Variants in DOCK2 observed in about 807,000 individuals in gnomAD.
The protein encoded by DOCK2 is dedicator of cytokinesis protein 2.
A neutral mutation model predicts 248.9 loss-of-function variants in DOCK2; 87 were observed. The ratio of observed to expected loss-of-function variants is 0.35; its 90% CI spans 0.29 to 0.42. The LOEUF is 0.42. Among genes scored for constraint, DOCK2 ranks in the 10% least tolerant of loss-of-function variants. DOCK2 has a pLI of 1.00. For missense variants in DOCK2, 1,747 were observed against 2,300.2 expected, an observed-to-expected ratio of 0.76 and a Z score of 4.92; for synonymous variants, 805 against 821.6, an observed-to-expected ratio of 0.98 and a Z score of 0.35.
chr5:169,703,005 A>T (rs1049514412), intron 14 of DOCK2, among the ~76,000 whole-genome samples: 1 of 152,214 alleles, frequency 6.6e-6, no homozygotes, highest in African/African-American at 2.4e-5. Flanking sequence ...TTTATACAGC[A>T]TATGTCCTGT....
intron 27 of DOCK2, among the ~76,000 whole-genome samples, chr5:169,856,294 GC>G (rs1459616213): frequency 2.6e-5 from 4 of 152,200 alleles, no homozygotes; most frequent in African/African-American, 9.7e-5. Flanking sequence ...GTCAGAAGCT[GC>G]CCACCAGCCC....
At chr5:169,721,688 C>A (rs1762214871) in intron 22 of DOCK2, among the ~76,000 whole-genome samples, 1 of 152,188 alleles carries the variant, frequency 6.6e-6, no homozygotes, top group Non-Finnish European at 1.5e-5. Flanking sequence ...GTTCCCTTGC[C>A]ATTATTTTTT....
rs988715075 is a variant in DOCK2, at chr5:170,056,742, A to G, written c.4354A>G (p.Thr1452Ala). Reference protein sequence around the residue: ...FHYSRPVRRGTVDPENEFASM... With the variant: ...FHYSRPVRRGAVDPENEFASM... Reference sequence around the variant, plus strand: ...CTACTCCCGGCCCGTGCGCAGGGGGACCGTAGACCCAGAGAATGAGTTTGC... The same window carrying G: ...CTACTCCCGGCCCGTGCGCAGGGGGGCCGTAGACCCAGAGAATGAGTTTGC... The change falls in exon 43 of 52, where the codon ACC becomes GCC. Residue 1452 changes from threonine to alanine, a missense_variant. Transcript: ENST00000520908. 1 of 1,613,948 alleles carries G rather than the reference A, an allele frequency of 6.2e-7. No individual in the cohort carries two copies. The highest frequency in any genetic ancestry group is 1.1e-5 in the South Asian group (1 of 91,050).
At chr5:170,065,969 T>TTTTTTG (rs1757477530) in intron 44 of DOCK2, among the ~76,000 whole-genome samples, 1 of 151,326 alleles carries the variant, frequency 6.6e-6, no homozygotes, top group Non-Finnish European at 1.5e-5. Context: ...TTTTTTTTTT[T>TTTTTTG]GAGACAGAGT....
chr5:169,933,087 T>G (rs1290331434), intron 27 of DOCK2, among the ~76,000 whole-genome samples: 1 of 152,178 alleles, frequency 6.6e-6, no homozygotes, highest in African/African-American at 2.4e-5. Context: ...AGTCGTTAAG[T>G]AAGAGAGATG....
intron 1 of DOCK2, among the ~76,000 whole-genome samples, chr5:169,640,880 G>C (rs79019772): frequency 0.04 from 6,144 of 152,296 alleles, 216 homozygotes; most frequent in South Asian, 0.15. Flanking sequence ...GGCATATTTT[G>C]ATCAGAAACC....
chr5:170,074,497 G>T (rs1418975151), intron 46 of DOCK2, among the ~76,000 whole-genome samples: 1 of 152,168 alleles, frequency 6.6e-6, no homozygotes, highest in African/African-American at 2.4e-5. Context: ...ACCCACAGAC[G>T]TCTCTCTCTA....
rs533874064 is a variant in DOCK2, at chr5:169,648,921, G to A, written c.44-5482G>A. 2.0e-4 allele frequency among the ~76,000 whole-genome samples: 31 copies of A among 152,268 alleles called. 3 individuals are homozygous for A. In the South Asian group the frequency reaches 5.6e-3, roughly 28 times the overall value. On this transcript the variant is annotated intron_variant, in intron 1 of 51. Transcript: ENST00000520908. ...TCTGCCTCATTTGCTGCTGACTAGC[G>A]CCCGCCCGGGTTTGAGCTCTGGGGT... is the stretch of plus-strand genomic sequence containing the variant.
chr5:169,793,310 C>T (rs1766464793), intron 25 of DOCK2, among the ~76,000 whole-genome samples: 1 of 152,318 alleles, frequency 6.6e-6, no homozygotes, highest in East Asian at 1.9e-4. Flanking sequence ...TACTTGCACC[C>T]TTGTCTCTAC....
rs527399788 is a variant in DOCK2, at chr5:169,656,120, A to T, written c.127+1634A>T. Among the ~76,000 whole-genome samples the T allele has an allele frequency of 4.6e-5, 7 of 152,318 alleles. No homozygotes were observed. The East Asian group carries it at 1.4e-3, about 29-fold the overall frequency. On this transcript the variant is annotated intron_variant, in intron 2 of 51. Coordinates refer to ENST00000520908, the MANE Select transcript of DOCK2 (RefSeq NM_004946.3). ...GCATAACCCTATCTTTTACAAATCT[A>T]GTTCTGCCCAGTGGCAGATAAGCAA...
chr5:170,081,741 G>T, intron 50 of DOCK2, 101 bp from the exon 51 acceptor site: 1 of 1,322,316 alleles, frequency 7.6e-7, no homozygotes, highest in East Asian at 2.5e-5. Flanking sequence ...GTGATCCCTG[G>T]ATGCTGGCTC....
intron 2 of DOCK2, among the ~76,000 whole-genome samples, chr5:169,661,531 CCCT>C (rs1490962514): frequency 6.6e-6 from 1 of 152,038 alleles, no homozygotes; most frequent in Non-Finnish European, 1.5e-5. Context: ...GACTATAGAT[CCCT>C]TGTTGTACAT....
At chr5:170,032,237 A>G (rs1756165928) in intron 34 of DOCK2, among the ~76,000 whole-genome samples, 1 of 152,112 alleles carries the variant, frequency 6.6e-6, no homozygotes, top group Non-Finnish European at 1.5e-5. Context: ...CGTGGGAGCC[A>G]GGATTGTCTC....
At chr5:170,060,505 C>T (rs1011248850) in intron 44 of DOCK2, among the ~76,000 whole-genome samples, 8 of 152,174 alleles carry the variant, frequency 5.3e-5, no homozygotes, top group Admixed American at 2.0e-4. Context: ...GACAGACCTC[C>T]GCCAGCCTGG....
At chr5:169,691,399 ACTT>A (rs1290705451) in intron 9 of DOCK2, among the ~76,000 whole-genome samples, 1 of 152,178 alleles carries the variant, frequency 6.6e-6, no homozygotes, top group East Asian at 1.9e-4. Flanking sequence ...TGGTGCTCTC[ACTT>A]CTTATATCGA....
Position 169,849,994 on chromosome 5 carries a change from C to T in DOCK2, c.2799+9142C>T, listed in dbSNP as rs185412709. ...CCACACAAACCATCATTCTTTTTCT[C>T]AATATGCAAGTGTTATTACTGTTAG... On this transcript the variant is annotated intron_variant, in intron 27 of 51. Coordinates refer to ENST00000520908, the MANE Select transcript of DOCK2 (RefSeq NM_004946.3). Among the ~76,000 whole-genome samples, 157 of 152,280 alleles carry T rather than the reference C, an allele frequency of 1.0e-3. 1 individual carries two copies. The highest frequency in any genetic ancestry group is 5.4e-3 in the South Asian group (26 of 4,822).
chr5:169,810,813 A>G (rs1767691159), intron 26 of DOCK2, among the ~76,000 whole-genome samples: 1 of 152,140 alleles, frequency 6.6e-6, no homozygotes, highest in Non-Finnish European at 1.5e-5. Context: ...AGTCCAAAAC[A>G]ATGGACTCCT....
chr5:169,761,377 TG>T (rs1388305628), intron 24 of DOCK2, 141 bp from the exon 25 acceptor site: 1 of 665,646 alleles, frequency 1.5e-6, no homozygotes, highest in East Asian at 2.5e-5. Context: ...ACATTTTTAC[TG>T]AAGGCTTACC....
chr5:170,076,136 G>T, intron 47 of DOCK2, 52 bp downstream of exon 47: 1 of 1,590,566 alleles, frequency 6.3e-7, no homozygotes. Flanking sequence ...GGGTGGGGCA[G>T]GGAAGCATGC....
Sources: allele counts gnomAD v4.1 joint callset (sites outside exome capture counted in the v4.1 genomes callset), GRCh38; gene constraint gnomAD v4.1.1; transcripts MANE v1.5; gene names NCBI Gene and HGNC (gene_info 2026-07-23, HGNC 2026-07-21).